RYR2: variants seen among roughly 807,000 people sequenced by gnomAD.
RYR2 encodes cardiac muscle ryanodine receptor-calcium release channel.
Under a neutral mutation model 601.1 loss-of-function variants are expected in RYR2, and 227 were observed. The ratio of observed to expected loss-of-function variants is 0.38; its 90% CI spans 0.34 to 0.42. The LOEUF is 0.42. RYR2 is among the 10% of genes least tolerant of loss of function. RYR2 has a pLI of 1.00. For synonymous variants in RYR2, 2,223 were observed against 2,175.1 expected, an observed-to-expected ratio of 1.02 and a Z score of -0.61; for missense variants, 4,646 against 6,156.5, an observed-to-expected ratio of 0.75 and a Z score of 8.21.
intron 1 of RYR2, among the ~76,000 whole-genome samples, chr1:237,118,670 T>TC (rs1670409044): frequency 6.6e-6 from 1 of 151,928 alleles, no homozygotes; most frequent in Non-Finnish European, 1.5e-5. Flanking sequence ...AGTGGCATGA[T>TC]TTGGCTCACT....
chr1:237,429,055 CGGGACTG>C (rs1706510761), intron 12 of RYR2, among the ~76,000 whole-genome samples: 1 of 151,982 alleles, frequency 6.6e-6, no homozygotes, highest in Non-Finnish European at 1.5e-5. Flanking sequence ...CTGACTTGAG[CGGGACTG>C]GGAACTGGGA....
chr1:237,735,702 T>C (rs1691082288), intron 79 of RYR2, among the ~76,000 whole-genome samples: 1 of 152,178 alleles, frequency 6.6e-6, no homozygotes, highest in African/African-American at 2.4e-5. Context: ...GGCATAGTAT[T>C]TGCATGTAAC....
intron 24 of RYR2, among the ~76,000 whole-genome samples, chr1:237,521,488 G>A (rs2618691): frequency 0.47 from 71,326 of 151,832 alleles, 17,076 homozygotes; most frequent in East Asian, 0.58. Context: ...GGGAGGCCAA[G>A]GCAGGTGGAT....
In RYR2 at chr1:237,492,718, A is replaced by C. The variant is rs12022208; in HGVS notation, c.1828-236A>C. On this transcript the variant is annotated intron_variant, in intron 18 of 104. Coordinates refer to ENST00000366574, the MANE Select transcript of RYR2 (RefSeq NM_001035.3). ...GCCAGATGTGGTGGCATGCACCTAC[A>C]GAGGCTGAGGTAGGAGGATTCTTTG... 0.62 allele frequency among the ~76,000 whole-genome samples: 94,428 copies of C among 151,532 alleles called. 31,743 individuals are homozygous for C. The highest frequency in any genetic ancestry group is 0.89 in the African/African-American group (36,939 of 41,294).
rs778971089 is a variant in RYR2, at chr1:237,614,717, G to A, written c.5589G>A (p.Thr1863=). ...CCACTCCGGAGGAGGAGAGTGACAC[G>A]CTGGAGAAAGAGCTCAGTGTGGACG... is the stretch of plus-strand genomic sequence containing the variant. The part of the protein sequence containing the change: ...EAATPEEESD[T]LEKELSVDDA... Residue 1863 remains threonine (T), a synonymous_variant, in exon 37 of 105, where the codon ACG becomes ACA. Coordinates refer to ENST00000366574, the MANE Select transcript of RYR2 (RefSeq NM_001035.3). This position sits in a 1 kb window ranked among gnomAD's most constrained non-coding sequence, Gnocchi z 4.3. 8 of 1,614,000 alleles carry A rather than the reference G, an allele frequency of 5.0e-6. No individual in the cohort carries two copies. Among genetic ancestry groups the A allele is most frequent in the Non-Finnish European group, 6.8e-6 (8 of 1,179,888 alleles).
At chr1:237,458,390 C>G (rs1659089275) in intron 16 of RYR2, among the ~76,000 whole-genome samples, 1 of 152,166 alleles carries the variant, frequency 6.6e-6, no homozygotes, top group South Asian at 2.1e-4. Flanking sequence ...GATTGCGCCA[C>G]TGCACTCCAG....
chr1:237,701,328 C>T (rs773598488), intron 65 of RYR2, among the ~76,000 whole-genome samples: 2 of 152,098 alleles, frequency 1.3e-5, no homozygotes, highest in African/African-American at 2.4e-5. Context: ...GTCAGGAGTT[C>T]GAGACCAGCC....
chr1:237,449,054 T>G (rs1657740255), intron 14 of RYR2, among the ~76,000 whole-genome samples: 2 of 151,900 alleles, frequency 1.3e-5, no homozygotes, highest in Non-Finnish European at 2.9e-5. Flanking sequence ...AAAGAGGAGA[T>G]ACACACACAC....
intron 1 of RYR2, among the ~76,000 whole-genome samples, chr1:237,259,632 A>G (rs991509411): frequency 2.0e-5 from 3 of 152,096 alleles, no homozygotes; most frequent in African/African-American, 4.8e-5. Context: ...CATTTCCTCT[A>G]CTTAATAGAA....
chr1:237,192,318 C>G (rs560392619), intron 1 of RYR2, among the ~76,000 whole-genome samples: 61 of 152,284 alleles, frequency 4.0e-4, no homozygotes, highest in African/African-American at 1.4e-3. Flanking sequence ...AAGCGATTCT[C>G]CTGCCTCAGC....
chr1:237,693,208 G>GTTT (rs201974638), intron 63 of RYR2, among the ~76,000 whole-genome samples: 1 of 140,518 alleles, frequency 7.1e-6, no homozygotes, highest in Non-Finnish European at 1.6e-5. Flanking sequence ...TGAGAATCAT[G>GTTT]TTTTTTTTTT....
chr1:237,756,484 G>A, intron 81 of RYR2, 97 bp downstream of exon 81: 1 of 727,090 alleles, frequency 1.4e-6, no homozygotes, highest in Non-Finnish European at 2.3e-6. Context: ...GACTCATTTA[G>A]TCCTGGGGTT....
chr1:237,421,036 C>G (rs1017727461), intron 11 of RYR2, among the ~76,000 whole-genome samples: 1 of 152,130 alleles, frequency 6.6e-6, no homozygotes, highest in Non-Finnish European at 1.5e-5. Flanking sequence ...GTCAGGAGAT[C>G]GAGACCATCC....
In RYR2 at chr1:237,042,326, G is replaced by T. The variant is rs1463325710; in HGVS notation, c.-196G>T. ...GCGGAGCAGGGAGGCCCCGCGCCTC[G>T]ACCACCCGCGCCCGAGCGTCCGCGC... On this transcript the variant is annotated 5_prime_UTR_variant, in exon 1 of 105. Transcript: ENST00000366574. 13 of 325,600 alleles carry T rather than the reference G, an allele frequency of 4.0e-5. No homozygotes were observed. Among genetic ancestry groups the T allele is most frequent in the Non-Finnish European group, 6.6e-5 (13 of 197,776 alleles). The allele number at this position is 325,600 out of a possible 1,614,324, so 20.2% of individuals were successfully genotyped here.
chr1:237,809,810 T>C (rs1661065083), intron 100 of RYR2, among the ~76,000 whole-genome samples: 1 of 152,152 alleles, frequency 6.6e-6, no homozygotes, highest in South Asian at 2.1e-4. Context: ...ACAATTAAGA[T>C]AATTTTATAC....
chr1:237,729,621 C>G (rs1690505742), intron 76 of RYR2, among the ~76,000 whole-genome samples: 1 of 152,114 alleles, frequency 6.6e-6, no homozygotes, highest in African/African-American at 2.4e-5. Context: ...TTTATTCTTT[C>G]TTACCTTGAC....
chr1:237,410,712 C>T (rs1189262732), intron 10 of RYR2, among the ~76,000 whole-genome samples: 1 of 152,090 alleles, frequency 6.6e-6, no homozygotes, highest in Non-Finnish European at 1.5e-5. Flanking sequence ...CTGTTTTAAA[C>T]CACCCTTTCA....
rs778498741 is a variant in RYR2, at chr1:237,792,156, A to C, written c.13615A>C (p.Ser4539Arg). 14 of 1,611,152 alleles carry C rather than the reference A, an allele frequency of 8.7e-6. No individual in the cohort carries two copies. Among genetic ancestry groups the C allele is most frequent in the Non-Finnish European group, 1.2e-5 (14 of 1,178,712 alleles). Residue 4539 changes from serine to arginine, a missense_variant, in exon 94 of 105, where the codon AGT becomes CGT. This residue lies in a region of RYR2 where 364 missense variants were observed against 442.9 expected (regional missense o/e 0.82). Coordinates refer to ENST00000366574, the MANE Select transcript of RYR2 (RefSeq NM_001035.3). ...EGKELPTRSS[S>R]ENAKVTSLDS... is the part of the protein sequence containing the mutation. Reference sequence around the variant, plus strand: ...AAAGGAGCTCCCCACGAGAAGTTCAAGTGAAAATGCCAAAGTGACAAGCCT... The same window carrying C: ...AAAGGAGCTCCCCACGAGAAGTTCACGTGAAAATGCCAAAGTGACAAGCCT...
intron 84 of RYR2, among the ~76,000 whole-genome samples, chr1:237,765,362 C>T (rs1693767479): frequency 6.6e-6 from 1 of 151,694 alleles, no homozygotes; most frequent in Admixed American, 6.6e-5. Context: ...TTCATAAAAG[C>T]AAGACAAAGT....
Sources: allele counts gnomAD v4.1 joint callset (sites outside exome capture counted in the v4.1 genomes callset), GRCh38; gene constraint gnomAD v4.1.1; regional missense constraint gnomAD v4.1.1; non-coding constraint Gnocchi (gnomAD v3.1); transcripts MANE v1.5; gene names NCBI Gene and HGNC (gene_info 2026-07-23, HGNC 2026-07-21).